The following MON2 variants were observed in gnomAD, a reference collection of about 807,000 sequenced individuals.
MON2 encodes MON2 regulator of endosome-to-Golgi trafficking.
Under a neutral mutation model 208.6 loss-of-function variants are expected in MON2, and 84 were observed. The ratio of observed to expected loss-of-function variants is 0.40; its 90% confidence interval spans 0.34 to 0.48. MON2 has a LOEUF of 0.48. MON2 is among the 20% of genes least tolerant of loss of function. The pLI, the probability that MON2 is intolerant of heterozygous loss-of-function variation, is 0.59. For missense variants in MON2, 1,611 were observed against 2,015.4 expected (o/e 0.80, Z 3.84); for synonymous variants, 660 against 694.0 (o/e 0.95, Z 0.77).
intron 33 of MON2, among the ~76,000 whole-genome samples, chr12:62,587,200 T>C (rs757429271): frequency 7.9e-5 from 12 of 152,174 alleles, no homozygotes; most frequent in Non-Finnish European, 1.8e-4. Flanking sequence ...TGTCTCCAAA[T>C]AGTGCTACCT....
chr12:62,567,104 C>T (rs572942010), intron 29 of MON2, among the ~76,000 whole-genome samples: 2 of 152,232 alleles, frequency 1.3e-5, no homozygotes, highest in South Asian at 4.2e-4. Context: ...TGTTCCATTC[C>T]TCTAAGGCTT....
chr12:62,547,341 A>T (rs1304083352), intron 22 of MON2, among the ~76,000 whole-genome samples: 4 of 152,168 alleles, frequency 2.6e-5, no homozygotes, highest in Non-Finnish European at 5.9e-5. Flanking sequence ...TTTAACATTC[A>T]TGCAAGAATA....
At chr12:62,582,125 A>G (rs2075027639) in intron 32 of MON2, among the ~76,000 whole-genome samples, 1 of 152,210 alleles carries the variant, frequency 6.6e-6, no homozygotes, top group African/African-American at 2.4e-5. Flanking sequence ...TTTATTATTA[A>G]GAGTATGTGA....
chr12:62,501,701 A>G lies in MON2; in HGVS notation c.789+3A>G. The G allele has an allele frequency of 6.2e-7, 1 of 1,613,960 alleles. No homozygotes were observed. Among genetic ancestry groups the G allele is most frequent in the Non-Finnish European group, 8.5e-7 (1 of 1,179,834 alleles). On this transcript the variant is annotated splice_donor_region_variant and intron_variant, in intron 7 of 34. Coordinates refer to ENST00000393630, the MANE Select transcript of MON2 (RefSeq NM_015026.3). ...ATTTTCCGCAGGTCTTTTTACAAGT[A>G]AGCCATTTATAGTATCTTGTGACAA...
chr12:62,514,228 C>T (rs928866474), intron 8 of MON2, among the ~76,000 whole-genome samples: 1 of 152,248 alleles, frequency 6.6e-6, no homozygotes, highest in African/African-American at 2.4e-5. Context: ...CCCACATTTT[C>T]GTGTCTTCTT....
intron 12 of MON2, among the ~76,000 whole-genome samples, chr12:62,534,545 ATATATATAT>A (rs2072852616): frequency 7.1e-5 from 2 of 28,080 alleles, no homozygotes; most frequent in Non-Finnish European, 1.3e-4. Flanking sequence ...AAAAAAAAAT[ATATATATAT>A]ATATATATAT....
chr12:62,570,996 C>T (rs1055063780), intron 29 of MON2, among the ~76,000 whole-genome samples: 1 of 152,060 alleles, frequency 6.6e-6, no homozygotes, highest in African/African-American at 2.4e-5. Context: ...TCCCAAAGTG[C>T]TGCGATTACA....
chr12:62,474,032 T>C (rs558340500), intron 1 of MON2, among the ~76,000 whole-genome samples: 33 of 152,120 alleles, frequency 2.2e-4, no homozygotes, highest in Non-Finnish European at 4.3e-4. Flanking sequence ...TTACTGAGTG[T>C]AGATCTGCAT....
intron 7 of MON2, among the ~76,000 whole-genome samples, chr12:62,503,978 G>A (rs545543656): frequency 1.3e-5 from 2 of 150,662 alleles, no homozygotes; most frequent in South Asian, 2.1e-4. Flanking sequence ...ACACGTATAT[G>A]TGTATTATAT....
intron 1 of MON2, among the ~76,000 whole-genome samples, chr12:62,477,617 A>G (rs1298033899): frequency 1.2e-4 from 4 of 32,322 alleles, no homozygotes; most frequent in Admixed American, 2.1e-4. Flanking sequence ...GCATCTGCCT[A>G]TGTTGCCCAG....
intron 11 of MON2, among the ~76,000 whole-genome samples, chr12:62,530,133 T>C (rs1459476957): frequency 6.6e-6 from 1 of 152,124 alleles, no homozygotes; most frequent in Admixed American, 6.6e-5. Flanking sequence ...AACCTCTCTT[T>C]ACCCCCAAAC....
At chr12:62,510,344 C>A (rs2071330631) in intron 8 of MON2, among the ~76,000 whole-genome samples, 2 of 151,716 alleles carry the variant, frequency 1.3e-5, no homozygotes, top group Non-Finnish European at 2.9e-5. Context: ...GAAAAAAAAA[C>A]AGATCAAGCT....
At chr12:62,572,004 A>C (rs1340357519) in intron 30 of MON2, among the ~76,000 whole-genome samples, 1 of 152,216 alleles carries the variant, frequency 6.6e-6, no homozygotes, top group Non-Finnish European at 1.5e-5. Flanking sequence ...AAAGATTAAC[A>C]ATTTTCATTG....
chr12:62,589,774 A>G (rs905862086), intron 34 of MON2, among the ~76,000 whole-genome samples: 1 of 151,346 alleles, frequency 6.6e-6, no homozygotes, highest in Non-Finnish European at 1.5e-5. Context: ...AAGAACCAGA[A>G]TGTGTATAAA....
intron 24 of MON2, among the ~76,000 whole-genome samples, chr12:62,555,330 A>C (rs10784306): frequency 0.4 from 61,167 of 151,206 alleles, 13,036 homozygotes; most frequent in African/African-American, 0.54. Context: ...CAGATGTATA[A>C]CACCACATTT....
intron 33 of MON2, among the ~76,000 whole-genome samples, chr12:62,587,673 A>T (rs1565718014): frequency 2.0e-5 from 3 of 152,140 alleles, no homozygotes; most frequent in South Asian, 4.1e-4. Context: ...GCGCAAGTCA[A>T]GGCTGCAGTG....
chr12:62,570,280 A>G (rs1400453169), intron 29 of MON2, among the ~76,000 whole-genome samples: 3 of 152,204 alleles, frequency 2.0e-5, no homozygotes, highest in Non-Finnish European at 4.4e-5. Context: ...CTCAATGGTC[A>G]AATCTTAAAT....
intron 21 of MON2, among the ~76,000 whole-genome samples, chr12:62,546,240 G>T (rs1055715007): frequency 1.3e-5 from 2 of 151,830 alleles, no homozygotes; most frequent in African/African-American, 2.4e-5. Flanking sequence ...TAGAGATTGG[G>T]AATTGATTAC....
chr12:62,559,671 G>A (rs1229252582), intron 25 of MON2, among the ~76,000 whole-genome samples: 1 of 151,752 alleles, frequency 6.6e-6, no homozygotes, highest in Non-Finnish European at 1.5e-5. Flanking sequence ...TGTGATCCCA[G>A]CCACACTTGG....
Sources: allele counts gnomAD v4.1 joint callset (sites outside exome capture counted in the v4.1 genomes callset), GRCh38; gene constraint gnomAD v4.1.1; transcripts MANE v1.5; gene names NCBI Gene and HGNC (gene_info 2026-07-23, HGNC 2026-07-21).